The following RIMBP2 variants were observed in gnomAD, a reference collection of about 807,000 sequenced individuals.
The protein encoded by RIMBP2 is RIMS-binding protein 2.
In RIMBP2, 48 loss-of-function variants were observed where a neutral mutation model predicts 118.6. That is an observed-to-expected ratio of 0.40 (90% CI 0.32 to 0.51). RIMBP2 has a LOEUF of 0.51. Ranked by LOEUF, RIMBP2 falls within the 20% of genes least tolerant of loss-of-function variation. The probability of loss-of-function intolerance (pLI) is 0.41; values close to 1 mark genes in which losing one functional copy is unlikely to be tolerated. For missense variants in RIMBP2, 1,551 were observed against 1,768.3 expected (o/e 0.88, Z 2.20); for synonymous variants, 762 against 742.9 (o/e 1.03, Z -0.42).
rs2061266445 is a variant in RIMBP2 at position 130,620,868 on chromosome 12, C to T, written c.-217+7454G>A. Among the ~76,000 whole-genome samples the T allele has an allele frequency of 6.6e-6, 1 of 152,216 alleles. No individual in the cohort carries two copies. Among genetic ancestry groups the T allele is most frequent in the Admixed American group, 6.5e-5 (1 of 15,288 alleles). On this transcript the variant is annotated intron_variant, in intron 2 of 22. Coordinates refer to ENST00000690449, the MANE Select transcript of RIMBP2 (RefSeq NM_001393629.1). This position sits in a 1 kb window ranked among gnomAD's most constrained non-coding sequence, Gnocchi z 5.3. ...GTAGGGAACACCCCTCACCCTGTAACAGACTCTGTGACCCGCAGTCAACCA... is the reference window on the plus strand; with the variant it reads ...GTAGGGAACACCCCTCACCCTGTAATAGACTCTGTGACCCGCAGTCAACCA...
chr12:130,643,036 C>A (rs1358585021), intron 1 of RIMBP2, among the ~76,000 whole-genome samples: 1 of 152,232 alleles, frequency 6.6e-6, no homozygotes, highest in Non-Finnish European at 1.5e-5. Flanking sequence ...CAAATCCCTG[C>A]CTCTCTAAAC....
chr12:130,606,294 G>C (rs1408761304), intron 2 of RIMBP2, among the ~76,000 whole-genome samples: 1 of 152,206 alleles, frequency 6.6e-6, no homozygotes. Flanking sequence ...AAAAATCACA[G>C]TCAGAACATT....
chr12:130,680,278 G>T (rs760956949), intron 1 of RIMBP2, among the ~76,000 whole-genome samples: 5 of 152,252 alleles, frequency 3.3e-5, no homozygotes, highest in Non-Finnish European at 7.3e-5. Context: ...ATTCTAACAT[G>T]AGCATGAAAT....
chr12:130,415,039 C>G (rs991124384), intron 17 of RIMBP2, among the ~76,000 whole-genome samples: 3 of 152,152 alleles, frequency 2.0e-5, no homozygotes, highest in African/African-American at 7.2e-5. Context: ...AGGACTCCAC[C>G]CTAACTCATT....
intron 17 of RIMBP2, among the ~76,000 whole-genome samples, chr12:130,421,691 ATG>A (rs35161782): frequency 0.27 from 39,438 of 147,118 alleles, 6,173 homozygotes; most frequent in South Asian, 0.43. Flanking sequence ...CTGCATTTAT[ATG>A]TGTGTGTGTG....
chr12:130,440,778 C>T (rs1249643313), intron 11 of RIMBP2, among the ~76,000 whole-genome samples: 1 of 152,182 alleles, frequency 6.6e-6, no homozygotes, highest in African/African-American at 2.4e-5. Flanking sequence ...ACGTGCTGTC[C>T]CCCTCAGGCA....
intron 1 of RIMBP2, among the ~76,000 whole-genome samples, chr12:130,702,579 GGAAGGAAGA>G (rs2065911067): frequency 1.3e-5 from 2 of 148,940 alleles, no homozygotes; most frequent in Non-Finnish European, 3.0e-5. Flanking sequence ...AAGGAAGGAA[GGAAGGAAGA>G]AGGGAGGGAG....
chr12:130,439,676 TG>T (rs2077915918), intron 11 of RIMBP2, among the ~76,000 whole-genome samples: 1 of 81,944 alleles, frequency 1.2e-5, no homozygotes, highest in Non-Finnish European at 2.3e-5. Flanking sequence ...GTGTGGGGGG[TG>T]TATGTGTTTT....
intron 1 of RIMBP2, among the ~76,000 whole-genome samples, chr12:130,676,838 A>G (rs78889136): frequency 0.029 from 4,371 of 152,090 alleles, 216 homozygotes; most frequent in African/African-American, 0.098. Flanking sequence ...AGCAGGGACA[A>G]GTGAGGGGCT....
At chr12:130,592,171 T>A (rs1017938509) in intron 2 of RIMBP2, among the ~76,000 whole-genome samples, 1 of 152,228 alleles carries the variant, frequency 6.6e-6, no homozygotes, top group African/African-American at 2.4e-5. Context: ...TTATGCTGGT[T>A]ATAGCTTAAC....
At chr12:130,497,314 C>T (rs1165227580) in intron 4 of RIMBP2, among the ~76,000 whole-genome samples, 1 of 152,224 alleles carries the variant, frequency 6.6e-6, no homozygotes, top group African/African-American at 2.4e-5. Context: ...GCCTTCTGCT[C>T]CCTGGGCTCC....
chr12:130,546,686 C>A (rs1382613736), intron 2 of RIMBP2, among the ~76,000 whole-genome samples: 4 of 152,178 alleles, frequency 2.6e-5, no homozygotes, highest in Non-Finnish European at 4.4e-5. Context: ...AAAACGAAAT[C>A]TCCCATGTCT....
intron 3 of RIMBP2, among the ~76,000 whole-genome samples, chr12:130,510,898 A>G (rs58508501): frequency 0.03 from 4,635 of 152,228 alleles, 235 homozygotes; most frequent in African/African-American, 0.1. Context: ...GGTTCGCAAC[A>G]AGGAGGAGAG....
At chr12:130,616,042 C>T (rs1050555047) in intron 2 of RIMBP2, among the ~76,000 whole-genome samples, 3 of 152,180 alleles carry the variant, frequency 2.0e-5, no homozygotes, top group Admixed American at 6.5e-5. Flanking sequence ...GTGACGCAGT[C>T]GGATGCACAC....
At chr12:130,467,665 G>A (rs1023209639) in intron 6 of RIMBP2, among the ~76,000 whole-genome samples, 12 of 152,172 alleles carry the variant, frequency 7.9e-5, no homozygotes, top group African/African-American at 2.4e-4. Context: ...TCTAGGCAAC[G>A]GGCAAGGTGA....
intron 1 of RIMBP2, among the ~76,000 whole-genome samples, chr12:130,678,202 A>G (rs1461373131): frequency 6.6e-6 from 1 of 152,236 alleles, no homozygotes; most frequent in African/African-American, 2.4e-5. Context: ...TCCTGAGAGC[A>G]GAGGGCCTGG....
chr12:130,451,199 G>T lies in RIMBP2; in HGVS notation c.500C>A (p.Ser167Ter). The change falls in exon 8 of 23, where the codon TCA becomes TAA. Residue 167 changes from serine (S) to a stop codon, truncating the protein, a stop_gained. Transcript: ENST00000690449. LOFTEE classifies it high-confidence loss of function. The part of the protein sequence containing the change: ...RSGSARCRSE[S>*]DMENERNSNT... ...CCCCTGCGGGACGGGACTCACGTCT[G>T]ACTCAGATCTGCATCTTGCGCTACC... The T allele has an allele frequency of 6.2e-7, 1 of 1,613,804 alleles. No homozygotes were observed. Among genetic ancestry groups the T allele is most frequent in the Non-Finnish European group, 8.5e-7 (1 of 1,179,856 alleles).
chr12:130,481,623 G>C (rs916442123), intron 4 of RIMBP2, among the ~76,000 whole-genome samples: 5 of 152,216 alleles, frequency 3.3e-5, no homozygotes, highest in Non-Finnish European at 7.3e-5. Flanking sequence ...AGAAAATGGA[G>C]TTCCCCAAAA....
chr12:130,451,557 C>T (rs1272324282), intron 7 of RIMBP2, among the ~76,000 whole-genome samples: 9 of 152,216 alleles, frequency 5.9e-5, no homozygotes, highest in Admixed American at 3.3e-4. Context: ...GCCACCCTGG[C>T]GGTAACGCTG....
Sources: allele counts gnomAD v4.1 joint callset (sites outside exome capture counted in the v4.1 genomes callset), GRCh38; gene constraint gnomAD v4.1.1; non-coding constraint Gnocchi (gnomAD v3.1); transcripts MANE v1.5; gene names NCBI Gene and HGNC (gene_info 2026-07-23, HGNC 2026-07-21).